The following AXL variants were observed in gnomAD, a reference collection of about 807,000 sequenced individuals.
The protein encoded by AXL is AXL receptor tyrosine kinase, also known as tyrosine-protein kinase receptor UFO.
A neutral mutation model predicts 104.5 loss-of-function variants in AXL; 52 were observed. The observed-to-expected ratio is 0.50, with a 90% CI of 0.40 to 0.63. The LOEUF is 0.63. Among genes scored for constraint, AXL ranks in the 20% least tolerant of loss-of-function variants. The pLI is 0.00. For synonymous variants in AXL, 455 were observed against 473.7 expected, an observed-to-expected ratio of 0.96 and a Z score of 0.51; for missense variants, 1,024 against 1,188.5, an observed-to-expected ratio of 0.86 and a Z score of 2.04.
At chr19:41,246,770 A>T (rs1412889118) in intron 12 of AXL, among the ~76,000 whole-genome samples, 3 of 152,050 alleles carry the variant, frequency 2.0e-5, no homozygotes, top group Non-Finnish European at 4.4e-5. Context: ...GCCCAGGCTG[A>T]TCTCCAACTC....
chr19:41,230,954 T>C lies in AXL; in HGVS notation c.587-13T>C. Reference sequence around the variant, plus strand: ...TCTCTGATATTGGACCCTTCCCTCATATGACTCCCTAGGGCTGAACAAGAC... The same window carrying C: ...TCTCTGATATTGGACCCTTCCCTCACATGACTCCCTAGGGCTGAACAAGAC... On this transcript the variant is annotated splice_polypyrimidine_tract_variant and intron_variant, in intron 4 of 19. Coordinates refer to ENST00000301178, the MANE Select transcript of AXL (RefSeq NM_021913.5). The C allele has an allele frequency of 6.2e-7, 1 of 1,613,388 alleles. No homozygotes were observed. Among genetic ancestry groups the C allele is most frequent in the South Asian group, 1.1e-5 (1 of 91,076 alleles).
Position 41,239,177 on chromosome 19 carries a change from T to C in AXL, c.1148T>C (p.Ile383Thr), listed in dbSNP as rs1432876896. ...TGGACCTCCTAGGTGCTAATGGACA[T>C]AGGGCTAAGGCAAGAGGTGACCCTG... is the stretch of plus-strand genomic sequence containing the variant. ...GQDTPEVLMD[I>T]GLRQEVTLEL... Residue 383 changes from isoleucine (I) to threonine (T), a missense_variant, in exon 9 of 20, where the codon ATA becomes ACA. This residue lies in a region of AXL where 332 missense variants were observed against 343.9 expected (regional missense o/e 0.97). Coordinates refer to ENST00000301178, the MANE Select transcript of AXL (RefSeq NM_021913.5). The C allele has an allele frequency of 1.9e-6, 3 of 1,613,132 alleles. No individual in the cohort carries two copies. Among genetic ancestry groups the C allele is most frequent in the African/African-American group, 1.3e-5 (1 of 74,770 alleles).
chr19:41,226,801 C>G (rs757838713), intron 4 of AXL: 256 of 985,488 alleles, frequency 2.6e-4, no homozygotes, highest in Non-Finnish European at 3.0e-4. Context: ...ACTTACAAGA[C>G]TTGGTCCCAG....
chr19:41,222,126 A>C, intron 4 of AXL, 70 bp downstream of exon 4: 3 of 1,388,326 alleles, frequency 2.2e-6, no homozygotes, highest in South Asian at 1.5e-5. Context: ...GCAAGGGAAC[A>C]TTGCTACCTC....
At chr19:41,243,566 G>C in intron 11 of AXL, 50 bp from the exon 12 acceptor site, 1 of 1,399,612 alleles carries the variant, frequency 7.1e-7, no homozygotes, top group Non-Finnish European at 1.0e-6. Flanking sequence ...GTTGAGTAGG[G>C]GGTTCCACAT....
At position 41,242,985 on chromosome 19, in the gene AXL, T is replaced by C; in HGVS notation, c.1415T>C (p.Val472Ala). ...ACVLILALFL[V>A]HRRKKETRYG... ...GTCCTCATCTTGGCTCTCTTCCTTG[T>C]CCACCGGCGAAAGAAGGAGACCCGT... The change falls in exon 11 of 20, where the codon GTC (valine) becomes GCC (alanine). Residue 472 changes from valine to alanine, a missense_variant. Coordinates refer to ENST00000301178, the MANE Select transcript of AXL (RefSeq NM_021913.5). 6.2e-7 allele frequency: 1 copy of C among 1,614,148 alleles called. No individual in the cohort carries two copies.
chr19:41,223,102 C>CTGG (rs2033822689), intron 4 of AXL, among the ~76,000 whole-genome samples: 1 of 151,632 alleles, frequency 6.6e-6, no homozygotes, highest in South Asian at 2.1e-4. Flanking sequence ...CGAGACCAGC[C>CTGG]TGGCCAACAT....
At position 41,238,020 on chromosome 19, in the gene AXL, C is replaced by G. The variant is rs370447193; in HGVS notation, c.860C>G (p.Ala287Gly). The G allele has an allele frequency of 3.1e-6, 5 of 1,613,848 alleles. No individual in the cohort carries two copies. Among genetic ancestry groups the G allele is most frequent in the Non-Finnish European group, 4.2e-6 (5 of 1,179,984 alleles). ...CCAGAGGAGCCCCTCACCTCGCAAG[C>G]ATCCGTGCCCCCCCATCAGCTTCGG... ...DPPEEPLTSQASVPPHQLRLG... is the reference protein window; with the variant it reads ...DPPEEPLTSQGSVPPHQLRLG... The change falls in exon 7 of 20, where the codon GCA becomes GGA. Residue 287 changes from alanine (A) to glycine (G), a missense_variant. Ala to Gly is a moderately conservative substitution (Grantham distance 60, BLOSUM62 0). Coordinates refer to ENST00000301178, the MANE Select transcript of AXL (RefSeq NM_021913.5).
In AXL at chr19:41,239,686, T is replaced by G; in HGVS notation, c.1286-8T>G. The G allele has an allele frequency of 6.2e-7, 1 of 1,614,138 alleles. No individual in the cohort carries two copies. Among genetic ancestry groups the G allele is most frequent in the East Asian group, 2.2e-5 (1 of 44,876 alleles). On this transcript the variant is annotated splice_region_variant and splice_polypyrimidine_tract_variant and intron_variant, in intron 9 of 19. Coordinates refer to ENST00000301178, the MANE Select transcript of AXL (RefSeq NM_021913.5). The stretch of plus-strand genomic sequence containing the variant: ...AGCACATCTCCTCTCTGTCCTTTCT[T>G]CTCACAGGGCAAGCACAGCCAGTCC...
intron 1 of AXL, among the ~76,000 whole-genome samples, chr19:41,220,234 A>C (rs1446014175): frequency 1.7e-4 from 15 of 90,646 alleles, no homozygotes; most frequent in South Asian, 3.6e-4. Context: ...CTCCGCCACC[A>C]CCCTTATCTC....
At chr19:41,257,752 C>CA in intron 19 of AXL, 123 bp downstream of exon 19, 1 of 1,265,890 alleles carries the variant, frequency 7.9e-7, no homozygotes, top group Non-Finnish European at 1.1e-6. Flanking sequence ...TGCTGAGTGA[C>CA]CCACTTGCCC....
chr19:41,219,985 T>G (rs2033757633), intron 1 of AXL, among the ~76,000 whole-genome samples: 1 of 151,880 alleles, frequency 6.6e-6, no homozygotes, highest in African/African-American at 2.4e-5. Context: ...TCTCTCTGTC[T>G]CTGCCTCCAG....
In AXL at chr19:41,219,247, C is replaced by A; in HGVS notation, c.-146C>A. The A allele has an allele frequency of 1.4e-6, 1 of 718,462 alleles. No homozygotes were observed. The highest frequency in any genetic ancestry group is 2.3e-6 in the Non-Finnish European group (1 of 435,986). 44.5% of individuals were successfully genotyped at this position (718,462 alleles called of 1,614,324 possible). ...TGAGAAGGCGGCTGCTGGGCAGAGC[C>A]GGTGGCAAGGGCCTCCCCTGCCGCT... On this transcript the variant is annotated 5_prime_UTR_variant, in exon 1 of 20. Coordinates refer to ENST00000301178, the MANE Select transcript of AXL (RefSeq NM_021913.5).
At chr19:41,239,627 C>T in intron 9 of AXL, 67 bp from the exon 10 acceptor site, 2 of 1,596,952 alleles carry the variant, frequency 1.3e-6, no homozygotes, top group South Asian at 2.2e-5. Context: ...ACCCTTACTC[C>T]CTTACCCGTG....
At chr19:41,238,411 CAG>C (rs965707435) in intron 7 of AXL, 57 bp from the exon 8 acceptor site, 274 of 1,582,814 alleles carry the variant, frequency 1.7e-4, no homozygotes, top group Middle Eastern at 1.5e-3. Context: ...TTCCTGGGAA[CAG>C]GGGAGGGGGT....
At chr19:41,225,218 T>C (rs536839049) in intron 4 of AXL, among the ~76,000 whole-genome samples, 41 of 152,328 alleles carry the variant, frequency 2.7e-4, no homozygotes, top group Middle Eastern at 3.4e-3. Flanking sequence ...TTGGCCAGGC[T>C]GGTCTCAAAC....
At chr19:41,229,852 G>T (rs1209507946) in intron 4 of AXL, among the ~76,000 whole-genome samples, 1 of 152,076 alleles carries the variant, frequency 6.6e-6, no homozygotes. Flanking sequence ...GTACAGCCAT[G>T]GGCCAGTTTC....
At chr19:41,254,254 G>A (rs139277531) in intron 17 of AXL, among the ~76,000 whole-genome samples, 95 of 151,392 alleles carry the variant, frequency 6.3e-4, no homozygotes, top group African/African-American at 2.2e-3. Context: ...ATTCAGCCTG[G>A]TGCGGTGGTG....
Position 41,221,255 on chromosome 19 carries a change from T to C in AXL, c.409+9T>C. ...CTATGTTGGGCTGGAGGGTGAGCTC[T>C]GGGGTCAGGGGTCCTGAGGGGTCAG... On this transcript the variant is annotated intron_variant, in intron 3 of 19. Transcript: ENST00000301178. The C allele has an allele frequency of 6.2e-7, 1 of 1,612,434 alleles. No homozygotes were observed. The highest frequency in any genetic ancestry group is 1.3e-5 in the African/African-American group (1 of 74,980).
Sources: gnomAD v4.1 joint callset for allele counts (sites outside exome capture counted in the v4.1 genomes callset) on GRCh38, gnomAD v4.1.1 for gene constraint, gnomAD v4.1.1 regional missense constraint, MANE v1.5 for transcripts, NCBI Gene and HGNC (gene_info 2026-07-23, HGNC 2026-07-21) for gene names.